KIF13A: variants seen among roughly 807,000 people sequenced by gnomAD.
KIF13A encodes the protein kinesin-like protein KIF13A.
KIF13A carries 79 observed loss-of-function variants against 212.2 expected under a neutral mutation model. The ratio of observed to expected loss-of-function variants is 0.37; its 90% CI spans 0.31 to 0.45. The LOEUF (loss-of-function observed/expected upper bound fraction) is 0.45, where lower values mean the gene tolerates loss of function less well. Among genes scored for constraint, KIF13A ranks in the 20% least tolerant of loss-of-function variants. KIF13A has a pLI of 1.00. For missense variants in KIF13A, 1,901 were observed against 2,209.0 expected, an observed-to-expected ratio of 0.86 and a Z score of 2.79; for synonymous variants, 789 against 808.6, an observed-to-expected ratio of 0.98 and a Z score of 0.41.
rs968206209 is a variant in KIF13A at position 17,926,030 on chromosome 6, T to C, written c.147-27850A>G. On this transcript the variant is annotated intron_variant, in intron 2 of 38. Transcript: ENST00000259711. The surrounding 1 kb of genome is among the most constrained non-coding windows in gnomAD (Gnocchi z 4.3). ...TGCCCACAGCACCAGAAGAGGCAGCTGTATCTATGATGCTCTTATGTAAAA... is the reference window on the plus strand; with the variant it reads ...TGCCCACAGCACCAGAAGAGGCAGCCGTATCTATGATGCTCTTATGTAAAA... Among the ~76,000 whole-genome samples the C allele has an allele frequency of 6.6e-6, 1 of 152,182 alleles. No individual in the cohort carries two copies. Among genetic ancestry groups the C allele is most frequent in the African/African-American group, 2.4e-5 (1 of 41,456 alleles).
At position 17,951,352 on chromosome 6, in the gene KIF13A, A is replaced by G; in HGVS notation, c.146+35702T>C. The G allele has an allele frequency of 1.5e-6, 1 of 648,168 alleles. No individual in the cohort carries two copies. The highest frequency in any genetic ancestry group is 2.9e-5 in the East Asian group (1 of 34,040). 40.2% of individuals were successfully genotyped at this position (648,168 alleles called of 1,614,324 possible). A position where few individuals can be genotyped will look rare whatever the true frequency, so the allele number is the denominator to read the frequency against. ...TGCCATGTTGCAAAGGCTGGTCTTGAAATCCTCGGCTCAAGTGATCCTCTT... is the reference window on the plus strand; with the variant it reads ...TGCCATGTTGCAAAGGCTGGTCTTGGAATCCTCGGCTCAAGTGATCCTCTT... On this transcript the variant is annotated intron_variant, in intron 2 of 38. Transcript: ENST00000259711. This position sits in a 1 kb window ranked among gnomAD's most constrained non-coding sequence, Gnocchi z 4.9.
chr6:17,783,535 G>T lies in KIF13A; in HGVS notation c.3544+111C>A. 1.3e-6 allele frequency: 1 copy of T among 750,086 alleles called. No individual in the cohort carries two copies. Among genetic ancestry groups the T allele is most frequent in the Non-Finnish European group, 2.3e-6 (1 of 438,524 alleles). The allele number at this position is 750,086 out of a possible 1,614,324, so 46.5% of individuals were successfully genotyped here. A position where few individuals can be genotyped will look rare whatever the true frequency, so the allele number is the denominator to read the frequency against. On this transcript the variant is annotated intron_variant, in intron 29 of 38. Transcript: ENST00000259711. This position sits in a 1 kb window ranked among gnomAD's most constrained non-coding sequence, Gnocchi z 4.3. ...TGAGAACAAAAATGTCACCCAATTT[G>T]GCACATGAATGATTAGAAGAGTGAT... is the stretch of plus-strand genomic sequence containing the variant.
chr6:17,974,877 CAT>C (rs1334050480), intron 2 of KIF13A, among the ~76,000 whole-genome samples: 10 of 152,244 alleles, frequency 6.6e-5, no homozygotes, highest in African/African-American at 1.9e-4. Context: ...ATCATAACCA[CAT>C]GTCAAGTATT....
intron 22 of KIF13A, among the ~76,000 whole-genome samples, 161 bp from the exon 23 acceptor site, chr6:17,796,981 T>A (rs756469164): frequency 6.6e-6 from 1 of 152,120 alleles, no homozygotes; most frequent in African/African-American, 2.4e-5. Flanking sequence ...AACCACAGAA[T>A]GTTAGATCTG....
intron 2 of KIF13A, among the ~76,000 whole-genome samples, chr6:17,954,824 G>A (rs914410944): frequency 3.3e-5 from 5 of 151,978 alleles, no homozygotes; most frequent in African/African-American, 4.8e-5. Context: ...CAGGCACACA[G>A]CATCACACCT....
At chr6:17,792,663 G>C (rs1310853334) in intron 25 of KIF13A, among the ~76,000 whole-genome samples, 1 of 152,142 alleles carries the variant, frequency 6.6e-6, no homozygotes, top group Non-Finnish European at 1.5e-5. Context: ...AACCACAGCA[G>C]CCCTGTCCTT....
chr6:17,975,372 T>A lies in KIF13A; in HGVS notation c.146+11682A>T, dbSNP rs114553153. ...AGAATGAAGCTGCGGACCCTCACAA[T>A]GAATATTACAAATCTTAAGTTGGCG... is the stretch of plus-strand genomic sequence containing the variant. On this transcript the variant is annotated intron_variant, in intron 2 of 38. Coordinates refer to ENST00000259711, the MANE Select transcript of KIF13A (RefSeq NM_022113.6). Among the ~76,000 whole-genome samples, 5 of 152,232 alleles carry A rather than the reference T, an allele frequency of 3.3e-5. No individual in the cohort carries two copies. In the East Asian group the frequency reaches 9.7e-4, roughly 29 times the overall value.
chr6:17,894,718 T>C (rs1164607829), intron 3 of KIF13A, among the ~76,000 whole-genome samples: 1 of 152,210 alleles, frequency 6.6e-6, no homozygotes. Context: ...GATCCATTCT[T>C]TGAGCCGTAT....
intron 16 of KIF13A, among the ~76,000 whole-genome samples, chr6:17,820,454 C>T (rs543456241): frequency 6.6e-6 from 1 of 152,272 alleles, no homozygotes; most frequent in African/African-American, 2.4e-5. Flanking sequence ...AATCAATTAA[C>T]CAGTTTCAAG....
At chr6:17,917,539 C>T (rs4716201) in intron 2 of KIF13A, among the ~76,000 whole-genome samples, 76,433 of 151,906 alleles carry the variant, frequency 0.5, 20,753 homozygotes, top group Non-Finnish European at 0.61. Flanking sequence ...CTGCACCTGG[C>T]CTTACACATG....
At position 17,895,113 on chromosome 6, in the gene KIF13A, G is replaced by A. The variant is rs1172906897; in HGVS notation, c.159+3055C>T. Among the ~76,000 whole-genome samples, 9 of 152,198 alleles carry A rather than the reference G, an allele frequency of 5.9e-5. No individual in the cohort carries two copies. Among genetic ancestry groups the A allele is most frequent in the African/African-American group, 2.2e-4 (9 of 41,538 alleles). On this transcript the variant is annotated intron_variant, in intron 3 of 38. Transcript: ENST00000259711. This position sits in a 1 kb window ranked among gnomAD's most constrained non-coding sequence, Gnocchi z 4.4. ...CAGATTGAGGATTTATTTCTATTGG[G>A]TTATTTTCCAAATCAGTTATGCCAC...
intron 16 of KIF13A, among the ~76,000 whole-genome samples, chr6:17,817,904 AG>A (rs1764091810): frequency 6.6e-6 from 1 of 152,094 alleles, no homozygotes; most frequent in Admixed American, 6.6e-5. Context: ...ATGGGTGAAA[AG>A]GTATAGATGT....
Position 17,829,785 on chromosome 6 carries a change from G to C in KIF13A, c.1401+1316C>G, listed in dbSNP as rs530656069. On this transcript the variant is annotated intron_variant, in intron 13 of 38. Transcript: ENST00000259711. The surrounding 1 kb of genome is among the most constrained non-coding windows in gnomAD (Gnocchi z 5.4). ...TTGTTGGGGGACTCTCAATAACTCA[G>C]GGGCTATTTGTACCAAATTTACACC... is the stretch of plus-strand genomic sequence containing the variant. 1.3e-5 allele frequency among the ~76,000 whole-genome samples: 2 copies of C among 152,082 alleles called. No homozygotes were observed. Among genetic ancestry groups the C allele is most frequent in the African/African-American group, 4.8e-5 (2 of 41,396 alleles).
At position 17,785,448 on chromosome 6, in the gene KIF13A, C is replaced by G; in HGVS notation, c.3488+67G>C. 3.5e-6 allele frequency: 5 copies of G among 1,432,830 alleles called. No homozygotes were observed. The highest frequency in any genetic ancestry group is 4.6e-6 in the Non-Finnish European group (5 of 1,090,806). 88.8% of individuals were successfully genotyped at this position (1,432,830 alleles called of 1,614,324 possible). On this transcript the variant is annotated intron_variant, in intron 28 of 38. Transcript: ENST00000259711. The surrounding 1 kb of genome is among the most constrained non-coding windows in gnomAD (Gnocchi z 5.8). ...TGTGACAATCCTGGAAAGTCTCTTGCATGGCTCTTGCCACAGGCGACCTGT... is the reference window on the plus strand; with the variant it reads ...TGTGACAATCCTGGAAAGTCTCTTGGATGGCTCTTGCCACAGGCGACCTGT...
chr6:17,936,855 G>T (rs1258217143), intron 2 of KIF13A, among the ~76,000 whole-genome samples: 1 of 152,110 alleles, frequency 6.6e-6, no homozygotes, highest in Non-Finnish European at 1.5e-5. Context: ...AAAAAAATGA[G>T]TAGCAACAAC....
At chr6:17,969,678 T>C (rs1779635355) in intron 2 of KIF13A, among the ~76,000 whole-genome samples, 1 of 152,200 alleles carries the variant, frequency 6.6e-6, no homozygotes, top group Non-Finnish European at 1.5e-5. Context: ...AAATTCAGAA[T>C]AGAGAAATAT....
At chr6:17,955,950 A>G (rs1473259966) in intron 2 of KIF13A, among the ~76,000 whole-genome samples, 1 of 152,232 alleles carries the variant, frequency 6.6e-6, no homozygotes, top group Non-Finnish European at 1.5e-5. Flanking sequence ...ATTCTTGTAT[A>G]CAGGTTTTCC....
In KIF13A at chr6:17,793,536, T is replaced by C. The variant is rs185617584; in HGVS notation, c.3222+713A>G. Among the ~76,000 whole-genome samples, 114 of 152,254 alleles carry C rather than the reference T, an allele frequency of 7.5e-4. 1 individual carries two copies. In the East Asian group the frequency reaches 0.02, roughly 27 times the overall value. ...AAGATTTAATGAGCAAAAATGATCATAAGGACAAATTTTAACAAAAAAAGA... is the reference window on the plus strand; with the variant it reads ...AAGATTTAATGAGCAAAAATGATCACAAGGACAAATTTTAACAAAAAAAGA... On this transcript the variant is annotated intron_variant, in intron 25 of 38. Coordinates refer to ENST00000259711, the MANE Select transcript of KIF13A (RefSeq NM_022113.6).
Position 17,961,934 on chromosome 6 carries a change from C to CA in KIF13A, c.146+25119dup, listed in dbSNP as rs2150588482. On this transcript the variant is annotated intron_variant, in intron 2 of 38. Transcript: ENST00000259711. The surrounding 1 kb of genome is among the most constrained non-coding windows in gnomAD (Gnocchi z 4.1). ...AATTTCAGAATTGGGATACATTTGACAATCAAGGTTTAATAGTTCAACGGG... is the reference window on the plus strand; with the variant it reads ...AATTTCAGAATTGGGATACATTTGACAAATCAAGGTTTAATAGTTCAACGGG... 6.6e-6 allele frequency among the ~76,000 whole-genome samples: 1 copy of CA among 152,274 alleles called. No individual in the cohort carries two copies. The highest frequency in any genetic ancestry group is 2.4e-5 in the African/African-American group (1 of 41,544).
Sources: allele counts gnomAD v4.1 joint callset (sites outside exome capture counted in the v4.1 genomes callset), GRCh38; gene constraint gnomAD v4.1.1; non-coding constraint Gnocchi (gnomAD v3.1); transcripts MANE v1.5; gene names NCBI Gene and HGNC (gene_info 2026-07-23, HGNC 2026-07-21).